PRIM2: variants seen among roughly 807,000 people sequenced by gnomAD.
PRIM2 encodes the protein DNA primase subunit 2.
A neutral mutation model predicts 67.3 loss-of-function variants in PRIM2; 39 were observed. That is an observed-to-expected ratio of 0.58 (90% CI 0.45 to 0.76). The LOEUF is 0.76. Among genes scored for constraint, PRIM2 ranks in the 30% least tolerant of loss-of-function variants. The probability of loss-of-function intolerance (pLI) is 0.00; values close to 1 mark genes in which losing one functional copy is unlikely to be tolerated. For missense variants in PRIM2, 398 were observed against 598.7 expected (o/e 0.66, Z 3.50); for synonymous variants, 143 against 198.7 (o/e 0.72, Z 2.36).
chr6:57,276,876 G>T, the PRIM2 span, among the ~76,000 whole-genome samples: 6 of 151,244 alleles, frequency 4.0e-5, no homozygotes, highest in Non-Finnish European at 5.9e-5. Flanking sequence ...GTGACCAACT[G>T]AGACCCTGCC....
chr6:57,588,281 G>T (rs1194118188), intron 10 of PRIM2, among the ~76,000 whole-genome samples: 1 of 152,102 alleles, frequency 6.6e-6, no homozygotes, highest in Non-Finnish European at 1.5e-5. Context: ...GTCCCATAGA[G>T]ATATGAGGAT....
chr6:57,615,588 A>C (rs1414649803), intron 12 of PRIM2, among the ~76,000 whole-genome samples: 2 of 152,046 alleles, frequency 1.3e-5, no homozygotes, highest in Non-Finnish European at 2.9e-5. Context: ...ATGGTGTGCT[A>C]TGTCCTATTT....
intron 5 of PRIM2, among the ~76,000 whole-genome samples, chr6:57,333,623 G>A (rs945710529): frequency 3.3e-5 from 5 of 151,874 alleles, no homozygotes; most frequent in Non-Finnish European, 7.4e-5. Context: ...CTCTTGTTAG[G>A]TGGAATTTAT....
intron 8 of PRIM2, among the ~76,000 whole-genome samples, chr6:57,524,696 C>T (rs1554349206): frequency 1.5e-4 from 23 of 151,690 alleles, no homozygotes; most frequent in Non-Finnish European, 2.5e-4. Context: ...AGCAAAACTC[C>T]GTCTCAAATT....
At chr6:57,248,596 GTT>G in the PRIM2 span, among the ~76,000 whole-genome samples, 4 of 152,264 alleles carry the variant, frequency 2.6e-5, no homozygotes, top group Admixed American at 6.5e-5. Context: ...TTTCCCATTG[GTT>G]TATTCTATGC....
chr6:57,550,945 G>T (rs1250493072), intron 10 of PRIM2, among the ~76,000 whole-genome samples: 1 of 152,152 alleles, frequency 6.6e-6, no homozygotes, highest in Non-Finnish European at 1.5e-5. Flanking sequence ...AATCTCAGGG[G>T]CTTGAAGTGT....
intron 5 of PRIM2, among the ~76,000 whole-genome samples, chr6:57,345,889 C>G (rs1313530993): frequency 1.3e-5 from 2 of 152,154 alleles, no homozygotes; most frequent in Non-Finnish European, 2.9e-5. Flanking sequence ...GGTTTCTCCC[C>G]TTTTTAGACT....
the PRIM2 span, among the ~76,000 whole-genome samples, chr6:57,222,563 C>T: frequency 6.6e-6 from 1 of 152,360 alleles, no homozygotes; most frequent in Admixed American, 6.5e-5. Flanking sequence ...TGCCCCGCTT[C>T]GGACACCTAC....
chr6:57,611,941 A>G (rs1388302114), intron 12 of PRIM2, among the ~76,000 whole-genome samples: 1 of 152,132 alleles, frequency 6.6e-6, no homozygotes, highest in Non-Finnish European at 1.5e-5. Flanking sequence ...ACATTTGAGT[A>G]GACAGTTCAC....
intron 5 of PRIM2, among the ~76,000 whole-genome samples, chr6:57,326,793 C>T (rs1581792791): frequency 6.6e-6 from 1 of 151,330 alleles, no homozygotes; most frequent in East Asian, 1.9e-4. Context: ...AATAATTTTG[C>T]AGACATATCT....
chr6:57,330,384 T>TTTTG (rs1768018097), intron 5 of PRIM2, among the ~76,000 whole-genome samples: 11 of 35,146 alleles, frequency 3.1e-4, no homozygotes, highest in African/African-American at 1.2e-3. Flanking sequence ...TGTTTTTTTG[T>TTTTG]TTTTTTTTTT....
At chr6:57,401,626 C>G (rs370312157) in intron 7 of PRIM2, among the ~76,000 whole-genome samples, 1 of 152,074 alleles carries the variant, frequency 6.6e-6, no homozygotes, top group South Asian at 2.1e-4. Flanking sequence ...TGTTCCTTCC[C>G]CATCTTGGAG....
At chr6:57,282,069 G>C in the PRIM2 span, among the ~76,000 whole-genome samples, 46 of 152,282 alleles carry the variant, frequency 3.0e-4, no homozygotes, top group African/African-American at 1.1e-3. Flanking sequence ...CTCAGTCCTA[G>C]CCCCTCTGTG....
chr6:57,333,632 A>G (rs975493414), intron 5 of PRIM2, among the ~76,000 whole-genome samples: 16 of 152,108 alleles, frequency 1.1e-4, no homozygotes, highest in South Asian at 2.1e-4. Flanking sequence ...GGTGGAATTT[A>G]TATTTTCTGG....
upstream of PRIM2, among the ~76,000 whole-genome samples, chr6:57,316,425 G>C (rs1381896850): frequency 6.6e-6 from 1 of 152,150 alleles, no homozygotes; most frequent in South Asian, 2.1e-4. Context: ...TATTGGTGGT[G>C]GGTCGGGGGG....
chr6:57,476,026 TTTTG>T (rs1194997252), intron 7 of PRIM2, among the ~76,000 whole-genome samples: 2 of 152,052 alleles, frequency 1.3e-5, no homozygotes, highest in African/African-American at 4.8e-5. Flanking sequence ...GTTGTTGTGG[TTTTG>T]TTTGTGTTTT....
intron 7 of PRIM2, among the ~76,000 whole-genome samples, chr6:57,403,210 A>G (rs1200687022): frequency 8.7e-5 from 13 of 150,026 alleles, no homozygotes; most frequent in African/African-American, 2.9e-4. Flanking sequence ...AGTGCTGTGT[A>G]TATTAGGTGT....
At chr6:57,271,046 A>G in the PRIM2 span, among the ~76,000 whole-genome samples, 1 of 152,000 alleles carries the variant, frequency 6.6e-6, no homozygotes, top group Non-Finnish European at 1.5e-5. Context: ...TTTATTGAGG[A>G]TTTTTGCATC....
chr6:57,370,889 G>A (rs931859102), intron 5 of PRIM2, among the ~76,000 whole-genome samples: 1 of 151,882 alleles, frequency 6.6e-6, no homozygotes, highest in Non-Finnish European at 1.5e-5. Context: ...GTAAAGATGG[G>A]GTTTCACCAT....
Sources: gnomAD v4.1 joint callset for allele counts (sites outside exome capture counted in the v4.1 genomes callset) on GRCh38, gnomAD v4.1.1 for gene constraint, MANE v1.5 for transcripts, NCBI Gene and HGNC (gene_info 2026-07-23, HGNC 2026-07-21) for gene names.